The following MYO3B variants were observed in gnomAD, a reference collection of about 807,000 sequenced individuals.
MYO3B encodes myosin-IIIb.
Under a neutral mutation model 174.6 loss-of-function variants are expected in MYO3B, and 156 were observed. The observed-to-expected ratio is 0.89, with a 90% CI of 0.78 to 1.02. The LOEUF is 1.02. Ranked by LOEUF, MYO3B falls within the 50% of genes least tolerant of loss-of-function variation. The pLI, the probability that MYO3B is intolerant of heterozygous loss-of-function variation, is 0.00. For missense variants in MYO3B, 1,632 were observed against 1,639.4 expected (o/e 1.00, Z 0.08); for synonymous variants, 563 against 569.1 (o/e 0.99, Z 0.15).
chr2:170,507,091 T>C (rs575964581), intron 28 of MYO3B, among the ~76,000 whole-genome samples: 10 of 152,210 alleles, frequency 6.6e-5, no homozygotes, highest in African/African-American at 2.2e-4. Flanking sequence ...AGATCCAAAC[T>C]CTTCTTGGCC....
intron 7 of MYO3B, among the ~76,000 whole-genome samples, chr2:170,294,903 G>A (rs1284601668): frequency 6.6e-6 from 1 of 151,970 alleles, no homozygotes; most frequent in East Asian, 1.9e-4. Flanking sequence ...AGAAATTGCT[G>A]TACCTTCTGC....
chr2:170,550,820 G>A (rs1690827568), intron 32 of MYO3B, among the ~76,000 whole-genome samples: 1 of 152,186 alleles, frequency 6.6e-6, no homozygotes, highest in Admixed American at 6.5e-5. Flanking sequence ...TGTGCAGGAA[G>A]AGGGTGGGAG....
At chr2:170,401,991 G>A (rs112677371) in intron 18 of MYO3B, among the ~76,000 whole-genome samples, 2,080 of 152,158 alleles carry the variant, frequency 0.014, 60 homozygotes, top group African/African-American at 0.047. Context: ...TCTTTTAGAA[G>A]ACACAGTGAG....
intron 23 of MYO3B, among the ~76,000 whole-genome samples, chr2:170,454,210 A>G (rs1340250352): frequency 6.6e-6 from 1 of 152,228 alleles, no homozygotes; most frequent in Non-Finnish European, 1.5e-5. Flanking sequence ...CTGATTGAGG[A>G]GAAATCTCTG....
intron 32 of MYO3B, among the ~76,000 whole-genome samples, chr2:170,643,027 G>C (rs1457271789): frequency 2.0e-5 from 3 of 146,444 alleles, no homozygotes; most frequent in Admixed American, 6.6e-5. Flanking sequence ...ACCACCCAAA[G>C]AGATTTGAAA....
chr2:170,431,725 G>T (rs905829457), intron 22 of MYO3B, among the ~76,000 whole-genome samples: 7 of 152,208 alleles, frequency 4.6e-5, no homozygotes, highest in Non-Finnish European at 1.0e-4. Flanking sequence ...TCAGAAAAGA[G>T]AGTGAATTTG....
chr2:170,327,898 T>TATAA (rs894538596), intron 7 of MYO3B, among the ~76,000 whole-genome samples: 3 of 147,244 alleles, frequency 2.0e-5, no homozygotes, highest in East Asian at 2.0e-4. Flanking sequence ...TATATATATA[T>TATAA]AATGTATAAA....
At chr2:170,312,203 T>C (rs1374901936) in intron 7 of MYO3B, among the ~76,000 whole-genome samples, 1 of 152,222 alleles carries the variant, frequency 6.6e-6, no homozygotes, top group Non-Finnish European at 1.5e-5. Context: ...CACAAATGTG[T>C]CTAGACTACA....
At chr2:170,292,627 GC>G (rs2093603257) in intron 7 of MYO3B, among the ~76,000 whole-genome samples, 1 of 152,060 alleles carries the variant, frequency 6.6e-6, no homozygotes, top group Non-Finnish European at 1.5e-5. Flanking sequence ...GGTACCTTAA[GC>G]CCAGGTCCGC....
intron 23 of MYO3B, among the ~76,000 whole-genome samples, chr2:170,447,064 CA>C (rs1683255346): frequency 6.6e-6 from 1 of 152,108 alleles, no homozygotes; most frequent in Admixed American, 6.5e-5. Context: ...TGAGGGTCTT[CA>C]GGGGAGAAGG....
intron 6 of MYO3B, 128 bp downstream of exon 6, chr2:170,217,523 T>C (rs1275053777): frequency 1.2e-6 from 1 of 800,324 alleles, no homozygotes; most frequent in African/African-American, 1.7e-5. Flanking sequence ...TCATTGAACT[T>C]TAAGAGTACT....
intron 32 of MYO3B, among the ~76,000 whole-genome samples, chr2:170,592,196 C>T (rs986593749): frequency 1.3e-5 from 2 of 152,144 alleles, no homozygotes; most frequent in African/African-American, 4.8e-5. Flanking sequence ...ATGTGCCATT[C>T]TGTTGATAGA....
At chr2:170,179,665 G>A (rs1002908458) in intron 1 of MYO3B, among the ~76,000 whole-genome samples, 1 of 152,068 alleles carries the variant, frequency 6.6e-6, no homozygotes, top group Non-Finnish European at 1.5e-5. Context: ...ACCAGATGTG[G>A]CCCCTTGATC....
intron 25 of MYO3B, among the ~76,000 whole-genome samples, chr2:170,497,116 G>C (rs1301533144): frequency 3.3e-5 from 5 of 152,130 alleles, no homozygotes; most frequent in African/African-American, 1.2e-4. Flanking sequence ...CCTGAAGCAG[G>C]TCATAAGACC....
chr2:170,558,053 A>G (rs78586545), intron 32 of MYO3B, among the ~76,000 whole-genome samples: 3,268 of 152,152 alleles, frequency 0.021, 87 homozygotes, highest in East Asian at 0.088. Flanking sequence ...TGTAATCCCA[A>G]CACTTTGGGA....
intron 16 of MYO3B, among the ~76,000 whole-genome samples, chr2:170,397,246 C>A (rs965487589): frequency 6.6e-5 from 10 of 152,200 alleles, no homozygotes; most frequent in African/African-American, 2.4e-4. Context: ...GTAGCATTAT[C>A]AGGTATCCAG....
intron 28 of MYO3B, among the ~76,000 whole-genome samples, chr2:170,504,046 G>T (rs1687459864): frequency 6.6e-6 from 1 of 152,124 alleles, no homozygotes; most frequent in East Asian, 1.9e-4. Context: ...TCTGTTTGGG[G>T]TTGTGATCTT....
chr2:170,400,646 A>C (rs978201823), intron 17 of MYO3B, among the ~76,000 whole-genome samples: 1,069 of 133,264 alleles, frequency 8.0e-3, no homozygotes, highest in Admixed American at 0.017. Flanking sequence ...CTCATGATCC[A>C]CCCCCCCCCC....
chr2:170,466,871 C>T (rs1361198080), intron 25 of MYO3B, among the ~76,000 whole-genome samples, 160 bp downstream of exon 25: 1 of 152,198 alleles, frequency 6.6e-6, no homozygotes, highest in East Asian at 1.9e-4. Context: ...TTTTATTGTG[C>T]TTCAACTAAA....
Sources: allele counts gnomAD v4.1 joint callset (sites outside exome capture counted in the v4.1 genomes callset), GRCh38; gene constraint gnomAD v4.1.1; transcripts MANE v1.5; gene names NCBI Gene and HGNC (gene_info 2026-07-23, HGNC 2026-07-21).